CCDC148: variants seen among roughly 807,000 people sequenced by gnomAD.
CCDC148 encodes coiled-coil domain-containing protein 148.
Under a neutral mutation model 85.7 loss-of-function variants are expected in CCDC148, and 89 were observed. That is an observed-to-expected ratio of 1.04 (90% CI 0.87 to 1.24). CCDC148 has a LOEUF of 1.24. Ranked by LOEUF, CCDC148 falls within the 50% of genes most tolerant of loss-of-function variation. The pLI is 0.00. For missense variants in CCDC148, 692 were observed against 671.7 expected, an observed-to-expected ratio of 1.03 and a Z score of -0.33; for synonymous variants, 230 against 213.9, an observed-to-expected ratio of 1.08 and a Z score of -0.66.
intron 1 of CCDC148, among the ~76,000 whole-genome samples, chr2:158,359,732 G>A (rs192796284): frequency 1.6e-4 from 25 of 152,264 alleles, no homozygotes; most frequent in Non-Finnish European, 3.1e-4. Context: ...CCAGAGCCCC[G>A]GGTTTCAAGC....
chr2:158,404,365 A>ATTTTGTACT (rs1262274033), intron 1 of CCDC148, among the ~76,000 whole-genome samples: 92 of 152,238 alleles, frequency 6.0e-4, no homozygotes, highest in Non-Finnish European at 2.8e-4. Context: ...TCATATTAGT[A>ATTTTGTACT]AATGAGGATG....
intron 9 of CCDC148, among the ~76,000 whole-genome samples, chr2:158,294,054 T>TTCCTTCCTTCCTTCCTTCCTTCCTTCCC (rs1559049889): frequency 6.3e-5 from 6 of 95,868 alleles, no homozygotes; most frequent in African/African-American, 2.4e-4. Context: ...CCTTCCTTCC[T>TTCCTTCCTTCCTTCCTTCCTTCCTTCCC]TCCTTCCTTC....
chr2:158,414,409 C>T (rs77542922), intron 1 of CCDC148, among the ~76,000 whole-genome samples: 7,650 of 152,250 alleles, frequency 0.05, 276 homozygotes, highest in Non-Finnish European at 0.081. Flanking sequence ...CATTCATTCA[C>T]TCCCAAAGTT....
chr2:158,293,116 C>T (rs1185645017), intron 9 of CCDC148, among the ~76,000 whole-genome samples: 1 of 152,068 alleles, frequency 6.6e-6, no homozygotes, highest in East Asian at 1.9e-4. Flanking sequence ...AAAAAGTACC[C>T]TTCCTTTCAC....
At chr2:158,247,533 G>A (rs1688615882) in intron 10 of CCDC148, among the ~76,000 whole-genome samples, 1 of 152,086 alleles carries the variant, frequency 6.6e-6, no homozygotes, top group African/African-American at 2.4e-5. Flanking sequence ...ATGGATAAAT[G>A]CTAGCTCACT....
At chr2:158,418,661 GT>G (rs57133383) in intron 1 of CCDC148, among the ~76,000 whole-genome samples, 129,052 of 151,164 alleles carry the variant, frequency 0.85, 56,787 homozygotes, top group Non-Finnish European at 0.96. Context: ...ATCCCCAACT[GT>G]TTTTTTTTCA....
At chr2:158,328,583 C>G (rs142099487) in intron 7 of CCDC148, among the ~76,000 whole-genome samples, 14 of 151,672 alleles carry the variant, frequency 9.2e-5, no homozygotes, top group African/African-American at 2.9e-4. Flanking sequence ...CCTGAGGAAT[C>G]GCCACACTGA....
intron 1 of CCDC148, among the ~76,000 whole-genome samples, chr2:158,443,515 A>AAAAAAAAAGGAAAG (rs1688032937): frequency 9.9e-6 from 1 of 100,896 alleles, no homozygotes; most frequent in Non-Finnish European, 2.0e-5. Flanking sequence ...AAAAAAAAAA[A>AAAAAAAAAGGAAAG]AAAAAAAAGA....
intron 1 of CCDC148, among the ~76,000 whole-genome samples, chr2:158,369,919 T>C (rs1684367226): frequency 6.6e-6 from 1 of 152,200 alleles, no homozygotes; most frequent in Non-Finnish European, 1.5e-5. Flanking sequence ...TCTGTGTCTA[T>C]TGAGAAAATC....
chr2:158,271,261 T>C (rs1689686722), intron 9 of CCDC148, among the ~76,000 whole-genome samples: 2 of 152,222 alleles, frequency 1.3e-5, no homozygotes, highest in South Asian at 4.1e-4. Context: ...CCTTGCAATA[T>C]ATCTATGCTT....
intron 10 of CCDC148, among the ~76,000 whole-genome samples, chr2:158,247,089 C>T (rs867615626): frequency 1.4e-4 from 21 of 152,086 alleles, no homozygotes; most frequent in South Asian, 1.0e-3. Context: ...AAATGACCAA[C>T]GGGTGAAAAT....
chr2:158,311,812 G>C (rs571097288), intron 8 of CCDC148, among the ~76,000 whole-genome samples: 1 of 152,204 alleles, frequency 6.6e-6, no homozygotes, highest in South Asian at 2.1e-4. Flanking sequence ...ATGACACTGA[G>C]CCCTTCCCAT....
chr2:158,240,697 C>T (rs541209461), intron 10 of CCDC148, among the ~76,000 whole-genome samples: 2 of 152,238 alleles, frequency 1.3e-5, no homozygotes, highest in African/African-American at 2.4e-5. Flanking sequence ...TCTCCCTCAA[C>T]AGCAGAGCAT....
intron 11 of CCDC148, among the ~76,000 whole-genome samples, chr2:158,201,885 G>A (rs562387905): frequency 1.1e-4 from 17 of 152,194 alleles, no homozygotes; most frequent in African/African-American, 4.1e-4. Flanking sequence ...CAATGGTATC[G>A]TGGTTAAGTA....
intron 9 of CCDC148, among the ~76,000 whole-genome samples, chr2:158,285,029 T>C (rs928185922): frequency 6.6e-6 from 1 of 152,190 alleles, no homozygotes; most frequent in Non-Finnish European, 1.5e-5. Flanking sequence ...GGCTCATACT[T>C]GTAATCTCAA....
chr2:158,366,210 T>G (rs1211862042), intron 1 of CCDC148: 1 of 575,606 alleles, frequency 1.7e-6, no homozygotes, highest in Non-Finnish European at 2.9e-6. Flanking sequence ...TATTAAAATT[T>G]GCTTTTCTTG....
At chr2:158,342,003 T>C (rs923274618) in intron 3 of CCDC148, among the ~76,000 whole-genome samples, 8 of 149,480 alleles carry the variant, frequency 5.4e-5, no homozygotes, top group African/African-American at 2.0e-4. Context: ...TTCCATTTTA[T>C]GTACGTGTCA....
chr2:158,219,304 A>G (rs1163188749), intron 11 of CCDC148, among the ~76,000 whole-genome samples: 1 of 152,192 alleles, frequency 6.6e-6, no homozygotes, highest in Non-Finnish European at 1.5e-5. Flanking sequence ...GAAAATCACT[A>G]AGGAGCTAGC....
At chr2:158,204,363 T>C (rs951798801) in intron 11 of CCDC148, among the ~76,000 whole-genome samples, 1 of 152,166 alleles carries the variant, frequency 6.6e-6, no homozygotes, top group African/African-American at 2.4e-5. Flanking sequence ...GGCCTTATAA[T>C]TACTTTGACC....
Sources: allele counts gnomAD v4.1 joint callset (sites outside exome capture counted in the v4.1 genomes callset), GRCh38; gene constraint gnomAD v4.1.1; transcripts MANE v1.5; gene names NCBI Gene and HGNC (gene_info 2026-07-23, HGNC 2026-07-21).